ZFP1: variants seen among roughly 807,000 people sequenced by gnomAD.
ZFP1 encodes the protein ZFP1 zinc finger protein.
ZFP1 carries 32 observed loss-of-function variants against 38.5 expected under a neutral mutation model. The ratio of observed to expected loss-of-function variants is 0.83; its 90% CI spans 0.63 to 1.12. ZFP1 has a LOEUF of 1.12. ZFP1 is among the 50% of genes most tolerant of loss of function. The pLI is 0.00. For synonymous variants in ZFP1, 245 were observed against 168.8 expected (o/e 1.45, Z -3.50); for missense variants, 616 against 480.8 (o/e 1.28, Z -2.63).
chr16:75,149,106 C>G (rs933148226), intron 1 of ZFP1: 1 of 152,106 alleles, frequency 6.6e-6, no homozygotes, highest in African/African-American at 2.4e-5. Context: ...GAAGGAGAAC[C>G]GTGATCCCTT....
chr16:75,157,737 T>C (rs1011554183), intron 2 of ZFP1, among the ~76,000 whole-genome samples: 4 of 152,166 alleles, frequency 2.6e-5, no homozygotes, highest in African/African-American at 7.2e-5. Context: ...TGCCCCTCTT[T>C]ATCCCTGATA....
At chr16:75,151,430 T>C (rs921144151) in intron 1 of ZFP1, among the ~76,000 whole-genome samples, 1 of 152,192 alleles carries the variant, frequency 6.6e-6, no homozygotes, top group African/African-American at 2.4e-5. Flanking sequence ...TTACCTTTTT[T>C]TCTGTCTACT....
the ZFP1 span, among the ~76,000 whole-genome samples, chr16:75,128,265 C>G: frequency 6.6e-6 from 1 of 152,186 alleles, no homozygotes; most frequent in African/African-American, 2.4e-5. Context: ...ATTTACCCAA[C>G]TCATCAGTAT....
At chr16:75,124,044 A>G in the ZFP1 span, among the ~76,000 whole-genome samples, 1 of 151,852 alleles carries the variant, frequency 6.6e-6, no homozygotes, top group Non-Finnish European at 1.5e-5. Context: ...CAGTAAGCCA[A>G]GATTGCGCCT....
the ZFP1 span, among the ~76,000 whole-genome samples, chr16:75,120,584 G>GT: frequency 2.7e-5 from 4 of 146,908 alleles, no homozygotes. Flanking sequence ...GGGTTTTTTT[G>GT]TTTTTTGTTT....
intron 2 of ZFP1, among the ~76,000 whole-genome samples, chr16:75,153,328 T>C (rs1254175470): frequency 2.0e-5 from 3 of 152,202 alleles, no homozygotes; most frequent in Non-Finnish European, 2.9e-5. Flanking sequence ...TATTTGGTTT[T>C]TCCAGTCAGA....
At chr16:75,127,808 C>A in the ZFP1 span, 1 of 152,176 alleles carries the variant, frequency 6.6e-6, no homozygotes, top group African/African-American at 2.4e-5. Context: ...TAAAACATTG[C>A]TGATCTTTGT....
rs542697079 is a variant in ZFP1, at chr16:75,157,701, G to A, written c.15+4735G>A. On this transcript the variant is annotated intron_variant, in intron 2 of 3. Coordinates refer to ENST00000570010, the MANE Select transcript of ZFP1 (RefSeq NM_153688.4). Reference sequence around the variant, plus strand: ...ACACATATGATTCTGTCTTCCTGATGGACTTATCCTTTTATCATTTTGAAA... The same window carrying A: ...ACACATATGATTCTGTCTTCCTGATAGACTTATCCTTTTATCATTTTGAAA... 3.9e-5 allele frequency among the ~76,000 whole-genome samples: 6 copies of A among 152,160 alleles called. No homozygotes were observed. In the East Asian group the frequency reaches 1.2e-3, roughly 29 times the overall value.
upstream of ZFP1, chr16:75,144,298 G>C (rs1597021291): frequency 6.6e-6 from 1 of 152,078 alleles, no homozygotes; most frequent in African/African-American, 2.4e-5. Flanking sequence ...TACAAAAATA[G>C]GATTACGCTG....
intron 1 of ZFP1, among the ~76,000 whole-genome samples, chr16:75,149,832 G>A (rs1470475299): frequency 6.6e-6 from 1 of 151,908 alleles, no homozygotes; most frequent in Non-Finnish European, 1.5e-5. Context: ...TTGAGACTGA[G>A]TCTCACTCTG....
chr16:75,143,526 G>A (rs917325872), upstream of ZFP1, among the ~76,000 whole-genome samples: 19 of 151,632 alleles, frequency 1.3e-4, no homozygotes, highest in African/African-American at 2.4e-4. Flanking sequence ...AATTACAGGC[G>A]TGAGCCACTG....
At chr16:75,168,402 C>G (rs957158080) in intron 3 of ZFP1, among the ~76,000 whole-genome samples, 9 of 151,820 alleles carry the variant, frequency 5.9e-5, no homozygotes, top group African/African-American at 2.2e-4. Flanking sequence ...TCCCTTGAGC[C>G]CAGGAGGTCA....
the ZFP1 span, among the ~76,000 whole-genome samples, chr16:75,138,293 C>G: frequency 6.6e-6 from 1 of 152,082 alleles, no homozygotes; most frequent in African/African-American, 2.4e-5. Flanking sequence ...CCTTGGCCTC[C>G]CAAAGTGCTG....
the ZFP1 span, among the ~76,000 whole-genome samples, chr16:75,135,046 C>T: frequency 1.4e-5 from 2 of 145,500 alleles, no homozygotes; most frequent in Non-Finnish European, 3.0e-5. Context: ...AACAGTGAAA[C>T]TCCATCTCAA....
chr16:75,121,273 C>A, the ZFP1 span, among the ~76,000 whole-genome samples: 2 of 151,520 alleles, frequency 1.3e-5, no homozygotes, highest in African/African-American at 2.4e-5. Context: ...CTACAGGCGC[C>A]CACCACCACG....
At chr16:75,123,534 T>TCTTCCTCTG in the ZFP1 span, among the ~76,000 whole-genome samples, 2 of 142,256 alleles carry the variant, frequency 1.4e-5, no homozygotes, top group East Asian at 4.2e-4. Flanking sequence ...GGAGAAAGAG[T>TCTTCCTCTG]CTTCCTCTGT....
At position 75,170,412 on chromosome 16, in the gene ZFP1, G is replaced by A. The variant is rs1343584953; in HGVS notation, c.*78G>A. 25 of 1,464,150 alleles carry A rather than the reference G, an allele frequency of 1.7e-5. No homozygotes were observed. The highest frequency in any genetic ancestry group is 2.1e-5 in the Non-Finnish European group (23 of 1,106,574). 90.7% of individuals were successfully genotyped at this position (1,464,150 alleles called of 1,614,324 possible). On this transcript the variant is annotated 3_prime_UTR_variant, in exon 4 of 4. Coordinates refer to ENST00000570010, the MANE Select transcript of ZFP1 (RefSeq NM_153688.4). ...GTGAAAAACCTCATGACAGTATTGA[G>A]GGAACATGGGAATTCATACTGAGAT...
At chr16:75,151,547 G>A (rs1309191157) in intron 1 of ZFP1, among the ~76,000 whole-genome samples, 2 of 152,010 alleles carry the variant, frequency 1.3e-5, no homozygotes, top group Non-Finnish European at 2.9e-5. Flanking sequence ...CTAAAGTTTA[G>A]TGGAACTTTA....
In ZFP1 at chr16:75,171,133, A is replaced by T. The variant is rs1171246447; in HGVS notation, c.*799A>T. 1 of 152,232 alleles carries T rather than the reference A, an allele frequency of 6.6e-6. No individual in the cohort carries two copies. Among genetic ancestry groups the T allele is most frequent in the Non-Finnish European group, 1.5e-5 (1 of 68,038 alleles). The allele number at this position is 152,232 out of a possible 1,614,324, so 9.4% of individuals were successfully genotyped here. A position where few individuals can be genotyped will look rare whatever the true frequency, so the allele number is the denominator to read the frequency against. On this transcript the variant is annotated 3_prime_UTR_variant, in exon 4 of 4. Transcript: ENST00000570010. Reference sequence around the variant, plus strand: ...TGTAAAGACAATATCCCCATTCGTCATGCTCTTATTTTCCCGTGGGATATT... The same window carrying T: ...TGTAAAGACAATATCCCCATTCGTCTTGCTCTTATTTTCCCGTGGGATATT...
Sources: gnomAD v4.1 joint callset for allele counts (sites outside exome capture counted in the v4.1 genomes callset) on GRCh38, gnomAD v4.1.1 for gene constraint, MANE v1.5 for transcripts, NCBI Gene and HGNC (gene_info 2026-07-23, HGNC 2026-07-21) for gene names.